The following FGF18 variants were observed in gnomAD, a reference collection of about 807,000 sequenced individuals.
FGF18 encodes the protein fibroblast growth factor 18.
FGF18 carries 5 observed loss-of-function variants against 23.0 expected under a neutral mutation model. The observed-to-expected ratio is 0.22, with a 90% CI of 0.11 to 0.46. The LOEUF (loss-of-function observed/expected upper bound fraction) is 0.46. Among genes scored for constraint, FGF18 ranks in the 20% least tolerant of loss-of-function variants. FGF18 has a pLI of 0.99. For missense variants in FGF18, 180 were observed against 291.6 expected (o/e 0.62, Z 2.79); for synonymous variants, 117 against 118.9 (o/e 0.98, Z 0.10).
At chr5:171,428,388 G>C (rs1230631899) in intron 2 of FGF18, among the ~76,000 whole-genome samples, 1 of 152,224 alleles carries the variant, frequency 6.6e-6, no homozygotes, top group Non-Finnish European at 1.5e-5. Context: ...GTGCTGGGGA[G>C]CAAGAGCTCA....
rs544401876 is a variant in FGF18, at chr5:171,440,373, G to A, written c.250+4100G>A. 1.4e-4 allele frequency among the ~76,000 whole-genome samples: 21 copies of A among 152,186 alleles called. No homozygotes were observed. The highest frequency in any genetic ancestry group is 4.1e-4 in the South Asian group (2 of 4,822). ...CAGGTTAGATGCAGGTAGAAGAGTCGTCCTCCCGTGATTCCCAGCAGCAAG... is the reference window on the plus strand; with the variant it reads ...CAGGTTAGATGCAGGTAGAAGAGTCATCCTCCCGTGATTCCCAGCAGCAAG... On this transcript the variant is annotated intron_variant, in intron 3 of 4. Coordinates refer to ENST00000274625, the MANE Select transcript of FGF18 (RefSeq NM_003862.3). The surrounding 1 kb of genome is among the most constrained non-coding windows in gnomAD (Gnocchi z 4.0).
chr5:171,431,476 C>T (rs1275600490), intron 2 of FGF18, among the ~76,000 whole-genome samples: 1 of 152,092 alleles, frequency 6.6e-6, no homozygotes, highest in Non-Finnish European at 1.5e-5. Context: ...CCTTGGAAGG[C>T]TTGGGGGAGG....
chr5:171,452,261 AG>A (rs1772527430), intron 4 of FGF18, among the ~76,000 whole-genome samples: 1 of 152,302 alleles, frequency 6.6e-6, no homozygotes, highest in Non-Finnish European at 1.5e-5. Flanking sequence ...TCCCCTTTGG[AG>A]CCAGGTCACG....
At chr5:171,442,782 C>T (rs1437673115) in intron 3 of FGF18, among the ~76,000 whole-genome samples, 2 of 152,222 alleles carry the variant, frequency 1.3e-5, no homozygotes, top group Non-Finnish European at 2.9e-5. Flanking sequence ...AAAGTCTTCA[C>T]AGCGAGGCCC....
At chr5:171,449,603 C>T (rs1000808793) in intron 4 of FGF18, among the ~76,000 whole-genome samples, 11 of 151,918 alleles carry the variant, frequency 7.2e-5, no homozygotes, top group Non-Finnish European at 1.6e-4. Flanking sequence ...TGGGGCACCC[C>T]GGCTACATGT....
At chr5:171,442,143 C>A (rs549950710) in intron 3 of FGF18, among the ~76,000 whole-genome samples, 1 of 152,290 alleles carries the variant, frequency 6.6e-6, no homozygotes, top group African/African-American at 2.4e-5. Flanking sequence ...TATGCTAGAG[C>A]TACAGCTAGG....
intron 3 of FGF18, among the ~76,000 whole-genome samples, chr5:171,443,455 G>A (rs72829774): frequency 0.032 from 4,340 of 136,098 alleles, 90 homozygotes; most frequent in Middle Eastern, 0.093. Context: ...TCTTAACATT[G>A]CTTGACACAT....
chr5:171,448,828 G>A (rs993712979), intron 3 of FGF18, among the ~76,000 whole-genome samples: 9 of 152,100 alleles, frequency 5.9e-5, no homozygotes, highest in Admixed American at 5.2e-4. Context: ...GGGCACACTG[G>A]TGTTCAGCCA....
intron 2 of FGF18, among the ~76,000 whole-genome samples, chr5:171,425,185 A>G (rs1203916397): frequency 2.0e-5 from 3 of 152,188 alleles, no homozygotes; most frequent in Non-Finnish European, 4.4e-5. Context: ...GCCATCAAAA[A>G]CAACAACAAT....
intron 2 of FGF18, among the ~76,000 whole-genome samples, chr5:171,426,064 C>G (rs1057213020): frequency 1.3e-5 from 2 of 152,082 alleles, no homozygotes; most frequent in East Asian, 1.9e-4. Flanking sequence ...TGTGTGACCT[C>G]GGGCAAGTTA....
In FGF18 at chr5:171,420,186, C is replaced by T. The variant is rs771193284; in HGVS notation, c.-14C>T. The T allele has an allele frequency of 9.7e-6, 15 of 1,540,706 alleles. No homozygotes were observed. In the Admixed American group the frequency reaches 1.2e-4, roughly 12 times the overall value. The stretch of plus-strand genomic sequence containing the variant: ...AGGCTGGGCTAGGAGCCGCCGCCTC[C>T]CTCCCGCCCAGCGATGTATTCAGCG... On this transcript the variant is annotated 5_prime_UTR_variant, in exon 1 of 5. Coordinates refer to ENST00000274625, the MANE Select transcript of FGF18 (RefSeq NM_003862.3).
intron 3 of FGF18, among the ~76,000 whole-genome samples, chr5:171,444,574 A>G: frequency 8.4e-6 from 1 of 119,026 alleles, no homozygotes; most frequent in Non-Finnish European, 1.6e-5. Context: ...AGAAGGGAAA[A>G]GGTCTTTCGC....
chr5:171,448,311 G>T (rs1341630377), intron 3 of FGF18, among the ~76,000 whole-genome samples: 1 of 152,124 alleles, frequency 6.6e-6, no homozygotes, highest in East Asian at 1.9e-4. Flanking sequence ...CTTCAGCTTT[G>T]GTGGCCTCCA....
At position 171,442,395 on chromosome 5, in the gene FGF18, G is replaced by A. The variant is rs1035360008; in HGVS notation, c.250+6122G>A. 3.9e-5 allele frequency among the ~76,000 whole-genome samples: 6 copies of A among 152,282 alleles called. No individual in the cohort carries two copies. The East Asian group carries it at 5.8e-4, about 15-fold the overall frequency. ...GTGGGGAAGGAGGGAGGGCTGACTC[G>A]GTGTGACCTCTCAGTGCTGTCTGTA... On this transcript the variant is annotated intron_variant, in intron 3 of 4. Coordinates refer to ENST00000274625, the MANE Select transcript of FGF18 (RefSeq NM_003862.3).
intron 2 of FGF18, among the ~76,000 whole-genome samples, chr5:171,426,776 C>G (rs1217656436): frequency 6.6e-6 from 1 of 152,248 alleles, no homozygotes; most frequent in Non-Finnish European, 1.5e-5. Context: ...TTCTGTGATG[C>G]TTGAATGCAT....
chr5:171,429,428 A>G (rs1772145269), intron 2 of FGF18, among the ~76,000 whole-genome samples: 1 of 152,256 alleles, frequency 6.6e-6, no homozygotes, highest in Non-Finnish European at 1.5e-5. Context: ...TCTCAATGAC[A>G]GTAATCCAGA....
rs1008063063 is a variant in FGF18, at chr5:171,456,447, G to A, written c.358-92G>A. The stretch of plus-strand genomic sequence containing the variant: ...CATTACAGTTGTCCCTACAACAATC[G>A]CAATGGTCCTGAATAAAACCTTCCT... On this transcript the variant is annotated intron_variant, in intron 4 of 4. Transcript: ENST00000274625. This position sits in a 1 kb window ranked among gnomAD's most constrained non-coding sequence, Gnocchi z 6.1. The A allele has an allele frequency of 3.1e-5, 40 of 1,293,028 alleles. No homozygotes were observed. Among genetic ancestry groups the A allele is most frequent in the Non-Finnish European group, 3.5e-5 (33 of 931,790 alleles). The allele number at this position is 1,293,028 out of a possible 1,614,324, so 80.1% of individuals were successfully genotyped here.
intron 3 of FGF18, among the ~76,000 whole-genome samples, chr5:171,444,643 G>A (rs868781420): frequency 3.9e-5 from 6 of 152,156 alleles, no homozygotes; most frequent in Non-Finnish European, 7.3e-5. Flanking sequence ...AAGTGGCACC[G>A]AGAGTCGCAC....
At chr5:171,453,817 G>C (rs1476376653) in intron 4 of FGF18, among the ~76,000 whole-genome samples, 2 of 152,144 alleles carry the variant, frequency 1.3e-5, no homozygotes, top group African/African-American at 4.8e-5. Flanking sequence ...TGTCTCAGGA[G>C]GGACCTCTCA....
Sources: gnomAD v4.1 joint callset for allele counts (sites outside exome capture counted in the v4.1 genomes callset) on GRCh38, gnomAD v4.1.1 for gene constraint, Gnocchi (gnomAD v3.1) non-coding constraint, MANE v1.5 for transcripts, NCBI Gene and HGNC (gene_info 2026-07-23, HGNC 2026-07-21) for gene names.